CLN6: variants seen among roughly 807,000 people sequenced by gnomAD.
CLN6 encodes the protein ceroid-lipofuscinosis neuronal protein 6.
In CLN6, 22 loss-of-function variants were observed where a neutral mutation model predicts 33.3. The observed-to-expected ratio is 0.66, with a 90% CI of 0.47 to 0.94. The LOEUF (loss-of-function observed/expected upper bound fraction) is 0.94, where lower values mean the gene tolerates loss of function less well. CLN6 is among the 40% of genes least tolerant of loss of function. The pLI, the probability that CLN6 is intolerant of heterozygous loss-of-function variation, is 0.00. For missense variants in CLN6, 387 were observed against 417.1 expected, an observed-to-expected ratio of 0.93 and a Z score of 0.63; for synonymous variants, 201 against 174.6, an observed-to-expected ratio of 1.15 and a Z score of -1.19.
At position 68,227,541 on chromosome 15, in the gene CLN6, G is replaced by A. The variant is rs953567616; in HGVS notation, c.83+1961C>T. ...GGCTGAAGCCACATTGTGGGGGGCAGAGACACCCTGGGAGACAGAGAGCTC... is the reference window on the plus strand; with the variant it reads ...GGCTGAAGCCACATTGTGGGGGGCAAAGACACCCTGGGAGACAGAGAGCTC... On this transcript the variant is annotated intron_variant, in intron 1 of 6. Coordinates refer to ENST00000249806, the MANE Select transcript of CLN6 (RefSeq NM_017882.3). The surrounding 1 kb of genome is among the most constrained non-coding windows in gnomAD (Gnocchi z 4.1). Among the ~76,000 whole-genome samples, 2 of 152,174 alleles carry A rather than the reference G, an allele frequency of 1.3e-5. No homozygotes were observed.
At chr15:68,244,353 T>C (rs1353354955) in intron 1 of CLN6, among the ~76,000 whole-genome samples, 1 of 151,776 alleles carries the variant, frequency 6.6e-6, no homozygotes, top group Non-Finnish European at 1.5e-5. Flanking sequence ...CCAGTTCATC[T>C]GGCAACAAGA....
intron 1 of CLN6, among the ~76,000 whole-genome samples, chr15:68,221,160 C>T (rs1426321361): frequency 2.0e-5 from 3 of 152,054 alleles, no homozygotes; most frequent in African/African-American, 7.2e-5. Flanking sequence ...CAACAGCTTG[C>T]TATTCTGTTT....
chr15:68,229,440 C>T, intron 1 of CLN6, 62 bp downstream of exon 1: 2 of 1,283,374 alleles, frequency 1.6e-6, no homozygotes, highest in Non-Finnish European at 2.1e-6. Flanking sequence ...CGTCACGTGG[C>T]GGGTCCCGAG....
At chr15:68,232,261 G>A (rs571463391), upstream of CLN6, among the ~76,000 whole-genome samples, 1 of 151,406 alleles carries the variant, frequency 6.6e-6, no homozygotes. This position sits in a 1 kb window ranked among gnomAD's most constrained non-coding sequence, Gnocchi z 4.7. Flanking sequence ...TGGTTCAAGT[G>A]ATTCTCCTGC....
At chr15:68,229,745 G>A, upstream of CLN6, 1 of 388,792 alleles carries the variant, frequency 2.6e-6, no homozygotes, top group Non-Finnish European at 4.2e-6. Context: ...CTGCGGACCC[G>A]GGGCGGGGCG....
In CLN6 at chr15:68,223,918, C is replaced by T. The variant is rs139288538; in HGVS notation, c.84-5268G>A. ...TAAATTAGCCAGGCTTGGTGGTGTG[C>T]GCCTGTAATCCCAGCTACTTGGGAG... On this transcript the variant is annotated intron_variant, in intron 1 of 6. Transcript: ENST00000249806. 6.0e-3 allele frequency among the ~76,000 whole-genome samples: 915 copies of T among 151,800 alleles called. 10 individuals carry two copies. The highest frequency in any genetic ancestry group is 0.021 in the African/African-American group (853 of 41,390).
chr15:68,221,647 GCCA>G (rs2093236348), intron 1 of CLN6, among the ~76,000 whole-genome samples: 2 of 151,692 alleles, frequency 1.3e-5, no homozygotes, highest in African/African-American at 2.4e-5. Flanking sequence ...CTGCCCGGCC[GCCA>G]CCCCATCTAG....
intron 1 of CLN6, among the ~76,000 whole-genome samples, chr15:68,225,336 A>C (rs2093248697): frequency 6.6e-6 from 1 of 152,266 alleles, no homozygotes; most frequent in Non-Finnish European, 1.5e-5. Context: ...CAATGTTTAG[A>C]GTCAATCCAC....
intron 1 of CLN6, among the ~76,000 whole-genome samples, chr15:68,249,926 T>C (rs1443831907): frequency 1.3e-5 from 2 of 151,978 alleles, no homozygotes; most frequent in Admixed American, 6.5e-5. Flanking sequence ...GTGCGAACCA[T>C]CAGGCCTGGC....
chr15:68,216,340 A>G (rs1054486409), intron 2 of CLN6, among the ~76,000 whole-genome samples: 1 of 152,242 alleles, frequency 6.6e-6, no homozygotes, highest in African/African-American at 2.4e-5. Flanking sequence ...AATGAAGCCC[A>G]GGACAGTGAC....
chr15:68,249,016 G>T (rs1892352979), intron 1 of CLN6, among the ~76,000 whole-genome samples: 1 of 152,134 alleles, frequency 6.6e-6, no homozygotes, highest in South Asian at 2.1e-4. Flanking sequence ...ATGGGCAAAA[G>T]ATCTGAATTG....
At position 68,229,726 on chromosome 15, in the gene CLN6, C is replaced by G; in HGVS notation, c.-142G>C. 1 of 486,390 alleles carries G rather than the reference C, an allele frequency of 2.1e-6. No homozygotes were observed. The highest frequency in any genetic ancestry group is 3.1e-6 in the Non-Finnish European group (1 of 324,292). 30.1% of individuals were successfully genotyped at this position (486,390 alleles called of 1,614,324 possible). On this transcript the variant is annotated 5_prime_UTR_variant, in exon 1 of 7. Coordinates refer to ENST00000249806, the MANE Select transcript of CLN6 (RefSeq NM_017882.3). ...GAGAGCGCGCGGCCCTCGGGAGGAA[C>G]AGGCGGGGCTGCGGACCCGGGGCGG...
In CLN6 at chr15:68,209,683, G is replaced by A; in HGVS notation, c.619C>T (p.Pro207Ser). Residue 207 changes from proline (P) to serine (S), a missense_variant, in exon 6 of 7, where the codon CCA becomes TCA. By Grantham distance (74) the Pro-to-Ser change is moderately conservative (BLOSUM62 -1). Coordinates refer to ENST00000249806, the MANE Select transcript of CLN6 (RefSeq NM_017882.3). This position sits in a 1 kb window ranked among gnomAD's most constrained non-coding sequence, Gnocchi z 4.9. ...GCCACCAGGAGCAGGGCAGGCCCTG[G>A]AATCAAGCTCTCAGCTTTAGAGGCA... The part of the protein sequence containing the change: ...FTASKAESLI[P>S]GPALLLVAPS... The A allele has an allele frequency of 6.2e-7, 1 of 1,613,722 alleles. No homozygotes were observed. The highest frequency in any genetic ancestry group is 8.5e-7 in the Non-Finnish European group (1 of 1,179,986).
rs1462967657 is a variant in CLN6, at chr15:68,208,073, T to C, written c.*67A>G. On this transcript the variant is annotated 3_prime_UTR_variant, in exon 7 of 7. Coordinates refer to ENST00000249806, the MANE Select transcript of CLN6 (RefSeq NM_017882.3). The surrounding 1 kb of genome is among the most constrained non-coding windows in gnomAD (Gnocchi z 5.8). ...TACACACCCACACCCCCCCTACTCC[T>C]GTATTCAGATGCCCTCCATGGCCCA... 2 of 1,525,278 alleles carry C rather than the reference T, an allele frequency of 1.3e-6. No homozygotes were observed. Among genetic ancestry groups the C allele is most frequent in the African/African-American group, 1.4e-5 (1 of 72,368 alleles). 94.5% of individuals were successfully genotyped at this position (1,525,278 alleles called of 1,614,324 possible). A position where few individuals can be genotyped will look rare whatever the true frequency, so the allele number is the denominator to read the frequency against.
In CLN6 at chr15:68,215,297, A is replaced by G. The variant is rs538013579; in HGVS notation, c.199-909T>C. On this transcript the variant is annotated intron_variant, in intron 2 of 6. Transcript: ENST00000249806. Reference sequence around the variant, plus strand: ...TCTCTCTCTCTCTTACTCAGTGTGCATGTGTTTATCTGCCTCTTTACCTAC... The same window carrying G: ...TCTCTCTCTCTCTTACTCAGTGTGCGTGTGTTTATCTGCCTCTTTACCTAC... 6 of 152,230 alleles carry G rather than the reference A, an allele frequency of 3.9e-5. No individual in the cohort carries two copies. In the East Asian group the frequency reaches 7.7e-4, roughly 20 times the overall value. The allele number at this position is 152,230 out of a possible 1,614,324, so 9.4% of individuals were successfully genotyped here. A position where few individuals can be genotyped will look rare whatever the true frequency, so the allele number is the denominator to read the frequency against.
intron 1 of CLN6, among the ~76,000 whole-genome samples, chr15:68,238,521 AC>A (rs1226719579): frequency 1.3e-5 from 2 of 152,230 alleles, no homozygotes; most frequent in Non-Finnish European, 2.9e-5. Flanking sequence ...TTACAAAGAA[AC>A]AAAAACTATA....
intron 1 of CLN6, among the ~76,000 whole-genome samples, chr15:68,226,154 C>G (rs1375808930): frequency 2.0e-5 from 3 of 151,424 alleles, no homozygotes; most frequent in East Asian, 3.9e-4. Context: ...GCCGTCTCTA[C>G]TAAAAATACA....
chr15:68,214,247 A>G (rs1472238378), intron 3 of CLN6, 43 bp downstream of exon 3: 1 of 1,439,048 alleles, frequency 6.9e-7, no homozygotes, highest in East Asian at 2.3e-5. Flanking sequence ...AGGTGTGCAA[A>G]GAATGGGGAT....
rs1289790008 is a variant in CLN6, at chr15:68,208,056, C to G, written c.*84G>C. 9 of 1,470,076 alleles carry G rather than the reference C, an allele frequency of 6.1e-6. No homozygotes were observed. Among genetic ancestry groups the G allele is most frequent in the Non-Finnish European group, 8.3e-6 (9 of 1,079,236 alleles). The allele number at this position is 1,470,076 out of a possible 1,614,324, so 91.1% of individuals were successfully genotyped here. A position where few individuals can be genotyped will look rare whatever the true frequency, so the allele number is the denominator to read the frequency against. ...TGCTCTCGGTCTCTGGTTACACACC[C>G]ACACCCCCCCTACTCCTGTATTCAG... On this transcript the variant is annotated 3_prime_UTR_variant, in exon 7 of 7. Transcript: ENST00000249806. The surrounding 1 kb of genome is among the most constrained non-coding windows in gnomAD (Gnocchi z 5.8).
Sources: gnomAD v4.1 joint callset for allele counts (sites outside exome capture counted in the v4.1 genomes callset) on GRCh38, gnomAD v4.1.1 for gene constraint, Gnocchi (gnomAD v3.1) non-coding constraint, MANE v1.5 for transcripts, NCBI Gene and HGNC (gene_info 2026-07-23, HGNC 2026-07-21) for gene names.